Variants in YY1 observed in about 807,000 individuals in gnomAD.
The protein encoded by YY1 is transcriptional repressor protein YY1.
In YY1, 2 loss-of-function variants were observed where a neutral mutation model predicts 35.6. The ratio of observed to expected loss-of-function variants is 0.06; its 90% CI spans 0.02 to 0.18. The LOEUF (loss-of-function observed/expected upper bound fraction) is 0.18, where lower values mean the gene tolerates loss of function less well. Among genes scored for constraint, YY1 ranks in the 10% least tolerant of loss-of-function variants. The probability of loss-of-function intolerance (pLI) is 1.00; values close to 1 mark genes in which losing one functional copy is unlikely to be tolerated. For synonymous variants in YY1, 268 were observed against 238.9 expected (o/e 1.12, Z -1.12); for missense variants, 322 against 573.4 (o/e 0.56, Z 4.48).
intron 1 of YY1, among the ~76,000 whole-genome samples, chr14:100,259,831 T>A (rs1891055773): frequency 6.6e-6 from 1 of 152,146 alleles, no homozygotes. Flanking sequence ...AGACCAGGTA[T>A]GTTGTTAAAG....
chr14:100,253,549 C>G (rs1281555590), intron 1 of YY1, among the ~76,000 whole-genome samples: 1 of 152,088 alleles, frequency 6.6e-6, no homozygotes, highest in Non-Finnish European at 1.5e-5. Flanking sequence ...ACCCGAATAG[C>G]AGGGATTACA....
At chr14:100,273,190 C>T (rs1212180204) in intron 2 of YY1, among the ~76,000 whole-genome samples, 4 of 152,078 alleles carry the variant, frequency 2.6e-5, no homozygotes, top group Non-Finnish European at 5.9e-5. Flanking sequence ...GTGTCAAACT[C>T]CTGGCCTCAA....
chr14:100,261,187 T>A (rs1891082039), intron 1 of YY1, among the ~76,000 whole-genome samples: 1 of 152,098 alleles, frequency 6.6e-6, no homozygotes, highest in African/African-American at 2.4e-5. Context: ...TATTTATTTT[T>A]ATTTTTTGCT....
intron 2 of YY1, among the ~76,000 whole-genome samples, chr14:100,266,311 G>A (rs1420359816): frequency 6.6e-6 from 1 of 152,132 alleles, no homozygotes; most frequent in Non-Finnish European, 1.5e-5. Context: ...CAAATAGAAG[G>A]AGACTCAGGA....
intron 1 of YY1, among the ~76,000 whole-genome samples, chr14:100,257,388 A>G (rs1218556861): frequency 6.6e-6 from 1 of 152,162 alleles, no homozygotes; most frequent in Non-Finnish European, 1.5e-5. Context: ...CCTTTATGCC[A>G]TGAGTTCAGT....
At chr14:100,242,405 T>TGAGATGGAGTC in intron 1 of YY1, among the ~76,000 whole-genome samples, 1 of 126,068 alleles carries the variant, frequency 7.9e-6, no homozygotes, top group South Asian at 2.5e-4. Context: ...TTTTTTTTTT[T>TGAGATGGAGTC]TGAGATGGAG....
At chr14:100,271,171 T>C (rs1056171764) in intron 2 of YY1, among the ~76,000 whole-genome samples, 3 of 152,020 alleles carry the variant, frequency 2.0e-5, no homozygotes, top group Non-Finnish European at 4.4e-5. Context: ...GGCATGAACC[T>C]GGGAGGCAGA....
intron 1 of YY1, among the ~76,000 whole-genome samples, chr14:100,243,854 C>G (rs1385191637): frequency 6.6e-6 from 1 of 151,892 alleles, no homozygotes. Flanking sequence ...GCCTGTAATC[C>G]CAGCACTTTG....
At chr14:100,270,583 A>G (rs146307643) in intron 2 of YY1, among the ~76,000 whole-genome samples, 2 of 152,200 alleles carry the variant, frequency 1.3e-5, no homozygotes, top group African/African-American at 2.4e-5. Context: ...AGATCAAACC[A>G]CTTCACTCCA....
intron 2 of YY1, among the ~76,000 whole-genome samples, chr14:100,265,647 CTTTTTT>C (rs10594089): frequency 1.9e-5 from 2 of 104,454 alleles, no homozygotes; most frequent in African/African-American, 7.7e-5. Context: ...AACACTGAAG[CTTTTTT>C]TTTTTTTTTT....
chr14:100,241,486 CAA>C (rs1162888617), intron 1 of YY1, among the ~76,000 whole-genome samples: 2 of 152,126 alleles, frequency 1.3e-5, no homozygotes, highest in Non-Finnish European at 2.9e-5. Flanking sequence ...TAGGAGCTGT[CAA>C]AATCTAATAG....
chr14:100,272,823 T>C (rs1891261887), intron 2 of YY1, among the ~76,000 whole-genome samples: 1 of 152,092 alleles, frequency 6.6e-6, no homozygotes, highest in African/African-American at 2.4e-5. Context: ...CCCTACTAAG[T>C]CCCCAAAGTC....
Position 100,239,209 on chromosome 14 carries a change from G to T in YY1, c.-36G>T. The T allele has an allele frequency of 2.1e-6, 3 of 1,442,238 alleles. No homozygotes were observed. Among genetic ancestry groups the T allele is most frequent in the Non-Finnish European group, 2.7e-6 (3 of 1,102,196 alleles). The allele number at this position is 1,442,238 out of a possible 1,614,324, so 89.3% of individuals were successfully genotyped here. On this transcript the variant is annotated 5_prime_UTR_variant, in exon 1 of 5. Coordinates refer to ENST00000262238, the MANE Select transcript of YY1 (RefSeq NM_003403.5). ...CCCGCCCGCCCGCAGCCGAGGAGCC[G>T]AGGCCGCCGCGGCCGTGGCGGCGGA...
chr14:100,251,709 T>C (rs1890927623), intron 1 of YY1, among the ~76,000 whole-genome samples: 1 of 144,162 alleles, frequency 6.9e-6, no homozygotes, highest in Non-Finnish European at 1.5e-5. Context: ...GTTACCTTGT[T>C]TTAGCCTTAT....
chr14:100,239,816 G>A lies in YY1; in HGVS notation c.572G>A (p.Gly191Asp), dbSNP rs772586727. ...AAGAGTTACCTCAGCGGCGGGGCCG[G>A]CGCGGCGGGCGGCGGCGGCGCCGAC... ...GKKSYLSGGA[G>D]AAGGGGADPG... is the part of the protein sequence containing the mutation. Residue 191 changes from glycine (G) to aspartate (D), a missense_variant, in exon 1 of 5, where the codon GGC becomes GAC. By Grantham distance (94) the Gly-to-Asp change is moderately conservative. Around this residue, in one of 4 missense-constraint regions of YY1, gnomAD observed 152 missense variants for 167.1 expected, o/e 0.91. Transcript: ENST00000262238. 8 of 1,481,132 alleles carry A rather than the reference G, an allele frequency of 5.4e-6. No homozygotes were observed. The highest frequency in any genetic ancestry group is 1.4e-5 in the South Asian group (1 of 73,528). The allele number at this position is 1,481,132 out of a possible 1,614,324, so 91.7% of individuals were successfully genotyped here. A position where few individuals can be genotyped will look rare whatever the true frequency, so the allele number is the denominator to read the frequency against.
chr14:100,248,823 G>A (rs1211455568), intron 1 of YY1, among the ~76,000 whole-genome samples: 1 of 151,456 alleles, frequency 6.6e-6, no homozygotes, highest in African/African-American at 2.4e-5. Flanking sequence ...GAGTAGCTGG[G>A]ACTACAGGCG....
Position 100,240,796 on chromosome 14 carries a change from C to CT in YY1, c.679+884dup, listed in dbSNP as rs984993837. 8.8e-4 allele frequency among the ~76,000 whole-genome samples: 130 copies of CT among 146,968 alleles called. 1 individual carries two copies. Among genetic ancestry groups the CT allele is most frequent in the Non-Finnish European group, 1.3e-3 (84 of 66,266 alleles). The stretch of plus-strand genomic sequence containing the variant: ...CTTAGTCACTTACGTTTTGGGAAAG[C>CT]TTTTTTTTTTTCCCTCAAGTATTTA... On this transcript the variant is annotated intron_variant, in intron 1 of 4. Transcript: ENST00000262238.
intron 1 of YY1, among the ~76,000 whole-genome samples, chr14:100,242,188 A>T (rs140464433): frequency 9.0e-4 from 137 of 152,260 alleles, no homozygotes; most frequent in African/African-American, 3.1e-3. Flanking sequence ...TCTGCATTTT[A>T]TCTTAACAAA....
chr14:100,241,784 G>A (rs565020497), intron 1 of YY1, among the ~76,000 whole-genome samples: 61 of 152,230 alleles, frequency 4.0e-4, no homozygotes, highest in African/African-American at 1.3e-3. Flanking sequence ...AGACCAGCTG[G>A]CCATCATAGT....
Sources: allele counts gnomAD v4.1 joint callset (sites outside exome capture counted in the v4.1 genomes callset), GRCh38; gene constraint gnomAD v4.1.1; regional missense constraint gnomAD v4.1.1; transcripts MANE v1.5; gene names NCBI Gene and HGNC (gene_info 2026-07-23, HGNC 2026-07-21).